SLIT3: variants seen among roughly 807,000 people sequenced by gnomAD.
SLIT3 encodes slit guidance ligand 3.
Under a neutral mutation model 184.0 loss-of-function variants are expected in SLIT3, and 68 were observed. That is an observed-to-expected ratio of 0.37 (90% CI 0.30 to 0.45). The LOEUF is 0.45. Among genes scored for constraint, SLIT3 ranks in the 20% least tolerant of loss-of-function variants. SLIT3 has a pLI of 1.00. For synonymous variants in SLIT3, 831 were observed against 828.6 expected, an observed-to-expected ratio of 1.00 and a Z score of -0.05; for missense variants, 1,707 against 2,026.0, an observed-to-expected ratio of 0.84 and a Z score of 3.02.
intron 3 of SLIT3, among the ~76,000 whole-genome samples, chr5:169,217,401 C>T (rs530572024): frequency 3.0e-4 from 46 of 152,222 alleles, no homozygotes; most frequent in Non-Finnish European, 4.9e-4. Context: ...AGCTGAAGTA[C>T]GTGGCAATCC....
Position 168,954,022 on chromosome 5 carries a change from A to G in SLIT3, c.414-70686T>C, listed in dbSNP as rs1461606509. On this transcript the variant is annotated intron_variant, in intron 4 of 35. Coordinates refer to ENST00000519560, the MANE Select transcript of SLIT3 (RefSeq NM_003062.4). ...GCTGGGAACTGAGACATTTTACTTC[A>G]AAGGTGTCATTTCTGCTGGGGGGAA... Among the ~76,000 whole-genome samples the G allele has an allele frequency of 7.2e-5, 11 of 152,114 alleles. No homozygotes were observed. The South Asian group carries it at 1.7e-3, about 23-fold the overall frequency.
chr5:169,204,338 C>T (rs1417983001), intron 3 of SLIT3, among the ~76,000 whole-genome samples: 1 of 152,014 alleles, frequency 6.6e-6, no homozygotes, highest in Admixed American at 6.6e-5. Flanking sequence ...GACCTATTAG[C>T]AGGAGTGGTT....
chr5:169,095,370 AC>A (rs1759738258), intron 4 of SLIT3, among the ~76,000 whole-genome samples: 1 of 152,148 alleles, frequency 6.6e-6, no homozygotes, highest in South Asian at 2.1e-4. Flanking sequence ...AGGCATTTTC[AC>A]CCCTAATGAA....
chr5:169,039,461 C>G (rs1009950922), intron 4 of SLIT3, among the ~76,000 whole-genome samples: 4 of 151,680 alleles, frequency 2.6e-5, no homozygotes, highest in Non-Finnish European at 4.4e-5. Context: ...GGACTATAGG[C>G]GCCTGCCACC....
chr5:169,023,352 A>G (rs1200120712), intron 4 of SLIT3, among the ~76,000 whole-genome samples: 1 of 152,116 alleles, frequency 6.6e-6, no homozygotes, highest in Non-Finnish European at 1.5e-5. Flanking sequence ...CTGTGTGTAG[A>G]AATTTTTTTA....
At chr5:169,007,049 A>G (rs963193208) in intron 4 of SLIT3, among the ~76,000 whole-genome samples, 3 of 151,914 alleles carry the variant, frequency 2.0e-5, no homozygotes, top group Non-Finnish European at 2.9e-5. Context: ...AGGTGACTGG[A>G]TCATGGGGGC....
intron 5 of SLIT3, chr5:168,844,885 A>T: frequency 1.4e-5 from 6 of 418,254 alleles, no homozygotes; most frequent in Non-Finnish European, 2.6e-5. Context: ...CTCAGTAAAT[A>T]TTAATTGCGC....
chr5:168,758,639 C>T lies in SLIT3; in HGVS notation c.1685+2223G>A, dbSNP rs191216027. On this transcript the variant is annotated intron_variant, in intron 16 of 35. Transcript: ENST00000519560. ...CCCCCAACGTGCTCTCCACTGCACCCGGTTACACAGCATTCGCTGGAGCCA... is the reference window on the plus strand; with the variant it reads ...CCCCCAACGTGCTCTCCACTGCACCTGGTTACACAGCATTCGCTGGAGCCA... 8.5e-5 allele frequency among the ~76,000 whole-genome samples: 13 copies of T among 152,282 alleles called. No homozygotes were observed. In the East Asian group the frequency reaches 2.5e-3, roughly 29 times the overall value.
At chr5:168,923,946 T>A (rs1761722932) in intron 4 of SLIT3, among the ~76,000 whole-genome samples, 1 of 152,268 alleles carries the variant, frequency 6.6e-6, no homozygotes, top group Admixed American at 6.5e-5. Context: ...ATCATTTACA[T>A]GTTGTCTACG....
At chr5:169,201,392 G>T (rs889838912) in intron 3 of SLIT3, among the ~76,000 whole-genome samples, 1 of 152,124 alleles carries the variant, frequency 6.6e-6, no homozygotes, top group Admixed American at 6.5e-5. Flanking sequence ...CAATTATTAT[G>T]TAATAGCAAA....
chr5:169,206,758 A>C (rs1468332765), intron 3 of SLIT3, among the ~76,000 whole-genome samples: 3 of 152,248 alleles, frequency 2.0e-5, no homozygotes, highest in Non-Finnish European at 4.4e-5. Flanking sequence ...ATATACAGCA[A>C]CAACAAAAAA....
intron 5 of SLIT3, among the ~76,000 whole-genome samples, chr5:168,854,780 G>A (rs779454166): frequency 4.6e-5 from 7 of 152,196 alleles, no homozygotes; most frequent in South Asian, 2.1e-4. Context: ...AGATTGTGTC[G>A]TAGGGTGTTC....
At chr5:169,153,061 T>C (rs1762173567) in intron 4 of SLIT3, among the ~76,000 whole-genome samples, 1 of 152,238 alleles carries the variant, frequency 6.6e-6, no homozygotes, top group Non-Finnish European at 1.5e-5. Flanking sequence ...CCTGCTCTGA[T>C]TTCAATCCAG....
At chr5:169,230,213 A>G (rs905410126) in intron 3 of SLIT3, among the ~76,000 whole-genome samples, 2 of 152,220 alleles carry the variant, frequency 1.3e-5, no homozygotes, top group African/African-American at 2.4e-5. Context: ...GATTAACCCC[A>G]TTTAACAGAT....
rs75915349 is a variant in SLIT3 at position 168,768,891 on chromosome 5, G to T, written c.1459+3890C>A. ...TTTGAGGTTTAATAGAGGAGCAGTG[G>T]GGTGTCAAAAGAAAATATATCTCTC... is the stretch of plus-strand genomic sequence containing the variant. On this transcript the variant is annotated intron_variant, in intron 14 of 35. Coordinates refer to ENST00000519560, the MANE Select transcript of SLIT3 (RefSeq NM_003062.4). Among the ~76,000 whole-genome samples the T allele has an allele frequency of 2.9e-3, 441 of 152,306 alleles. 1 individual carries two copies. The highest frequency in any genetic ancestry group is 0.01 in the African/African-American group (418 of 41,566).
At chr5:168,858,563 T>C (rs1222009897) in intron 5 of SLIT3, among the ~76,000 whole-genome samples, 1 of 152,252 alleles carries the variant, frequency 6.6e-6, no homozygotes, top group Non-Finnish European at 1.5e-5. Flanking sequence ...CCCTGGACTC[T>C]ATCCACAAAC....
At chr5:168,675,540 CAAATA>C (rs1761380383) in intron 32 of SLIT3, among the ~76,000 whole-genome samples, 2 of 152,098 alleles carry the variant, frequency 1.3e-5, no homozygotes, top group African/African-American at 2.4e-5. Context: ...TTGTGATGTT[CAAATA>C]AAATAAGAGA....
At chr5:168,883,474 C>T (rs188448787) in intron 4 of SLIT3, 138 bp from the exon 5 acceptor site, 4 of 638,528 alleles carry the variant, frequency 6.3e-6, no homozygotes, top group Non-Finnish European at 1.1e-5. Flanking sequence ...TGGTCTCGGG[C>T]CCCAGGCTGC....
Position 168,806,462 on chromosome 5 carries a change from C to T in SLIT3, c.919G>A (p.Glu307Lys). Residue 307 changes from glutamate (E) to lysine (K), a missense_variant, in exon 9 of 36, where the codon GAG becomes AAG. Physicochemically the swap from Glu to Lys is moderately conservative, Grantham distance 56. Coordinates refer to ENST00000519560, the MANE Select transcript of SLIT3 (RefSeq NM_003062.4). ...GLMEIPANLP[E>K]GIVEIRLEQN... ...TGCACTTACATTTCGACGATGCCCT[C>T]CGGCAAGTTGGCAGGAATCTCCATC... 3 of 1,614,194 alleles carry T rather than the reference C, an allele frequency of 1.9e-6. No individual in the cohort carries two copies. The highest frequency in any genetic ancestry group is 2.5e-6 in the Non-Finnish European group (3 of 1,180,026).
Sources: gnomAD v4.1 joint callset for allele counts (sites outside exome capture counted in the v4.1 genomes callset) on GRCh38, gnomAD v4.1.1 for gene constraint, MANE v1.5 for transcripts, NCBI Gene and HGNC (gene_info 2026-07-23, HGNC 2026-07-21) for gene names.